The following FOXN3 variants were observed in gnomAD, a reference collection of about 807,000 sequenced individuals.
The protein encoded by FOXN3 is forkhead box protein N3.
A neutral mutation model predicts 38.4 loss-of-function variants in FOXN3; 7 were observed. The ratio of observed to expected loss-of-function variants is 0.18; its 90% CI spans 0.10 to 0.34. FOXN3 has a LOEUF of 0.34. Ranked by LOEUF, FOXN3 falls within the 10% of genes least tolerant of loss-of-function variation. FOXN3 has a pLI of 1.00. For synonymous variants in FOXN3, 230 were observed against 242.2 expected (o/e 0.95, Z 0.47); for missense variants, 456 against 613.4 (o/e 0.74, Z 2.71).
chr14:89,580,144 A>G (rs1399026920), intron 1 of FOXN3, among the ~76,000 whole-genome samples: 1 of 152,214 alleles, frequency 6.6e-6, no homozygotes, highest in Non-Finnish European at 1.5e-5. Context: ...AGTCTAGGAA[A>G]TCAGTCAAGA....
chr14:89,417,189 G>A lies in FOXN3; in HGVS notation c.-333C>T, dbSNP rs1226034128. ...GGCGCGTCGGGCCGGGGCGCGCCGA[G>A]CGGCGAGAAATTGTTTCCACTGCAA... On this transcript the variant is annotated 5_prime_UTR_variant, in exon 1 of 6. Transcript: ENST00000557258. 3 of 145,986 alleles carry A rather than the reference G, an allele frequency of 2.1e-5. No individual in the cohort carries two copies. Among genetic ancestry groups the A allele is most frequent in the Non-Finnish European group, 4.6e-5 (3 of 65,642 alleles). 9.0% of individuals were successfully genotyped at this position (145,986 alleles called of 1,614,324 possible). A position where few individuals can be genotyped will look rare whatever the true frequency, so the allele number is the denominator to read the frequency against.
intron 1 of FOXN3, among the ~76,000 whole-genome samples, chr14:89,543,257 G>A (rs933321460): frequency 1.3e-5 from 2 of 152,132 alleles, no homozygotes; most frequent in South Asian, 2.1e-4. Context: ...GGATGCTCAC[G>A]GTCCACACCC....
intron 4 of FOXN3, among the ~76,000 whole-genome samples, chr14:89,192,469 TTATA>T (rs1173238926): frequency 2.8e-5 from 4 of 141,720 alleles, no homozygotes; most frequent in African/African-American, 1.0e-4. Context: ...AAACTATAGT[TTATA>T]TATACTATTA....
intron 1 of FOXN3, among the ~76,000 whole-genome samples, chr14:89,480,959 T>G (rs1176308217): frequency 6.6e-6 from 1 of 152,184 alleles, no homozygotes; most frequent in Admixed American, 6.5e-5. Context: ...CCCTTTGATT[T>G]TGTGGGTTTG....
intron 3 of FOXN3, among the ~76,000 whole-genome samples, chr14:89,308,485 T>C (rs1887441085): frequency 6.6e-6 from 1 of 152,216 alleles, no homozygotes; most frequent in Non-Finnish European, 1.5e-5. Context: ...CTTCAGGCTG[T>C]ACCTGGGGAA....
intron 1 of FOXN3, among the ~76,000 whole-genome samples, chr14:89,442,724 GT>G (rs778783476): frequency 7.9e-4 from 119 of 150,894 alleles, no homozygotes; most frequent in Non-Finnish European, 1.3e-3. Flanking sequence ...CAACTTCCCA[GT>G]TTTACCCCAA....
chr14:89,530,886 G>A (rs1036932631), intron 1 of FOXN3, among the ~76,000 whole-genome samples: 7 of 149,576 alleles, frequency 4.7e-5, no homozygotes, highest in Non-Finnish European at 7.4e-5. Flanking sequence ...CTGGGATTAC[G>A]GTGTGAGCCA....
intron 3 of FOXN3, among the ~76,000 whole-genome samples, chr14:89,298,763 G>A (rs1887126181): frequency 6.6e-6 from 1 of 152,164 alleles, no homozygotes; most frequent in South Asian, 2.1e-4. Context: ...TCCTCCAAGA[G>A]GCAGGGACAT....
intron 3 of FOXN3, among the ~76,000 whole-genome samples, chr14:89,347,264 T>C (rs1212216084): frequency 1.3e-5 from 2 of 152,182 alleles, no homozygotes; most frequent in Non-Finnish European, 2.9e-5. Context: ...ACGACCAGTG[T>C]GTCCTTACAA....
At chr14:89,266,686 C>T (rs1596141863) in intron 4 of FOXN3, among the ~76,000 whole-genome samples, 1 of 152,240 alleles carries the variant, frequency 6.6e-6, no homozygotes, top group East Asian at 1.9e-4. Flanking sequence ...CTTAGTGGTT[C>T]CTGCCATGGC....
intron 1 of FOXN3, among the ~76,000 whole-genome samples, chr14:89,571,012 AGCACT>A (rs1895477902): frequency 1.3e-5 from 2 of 152,222 alleles, no homozygotes; most frequent in African/African-American, 4.8e-5. Context: ...ATAAGAAAGG[AGCACT>A]AAGTAGCTAA....
intron 2 of FOXN3, among the ~76,000 whole-genome samples, chr14:89,384,480 C>A (rs1467131333): frequency 6.6e-6 from 1 of 152,130 alleles, no homozygotes; most frequent in Non-Finnish European, 1.5e-5. Flanking sequence ...TTACTATGGG[C>A]AGACACTAAA....
chr14:89,500,671 C>T (rs1035050107), intron 1 of FOXN3, among the ~76,000 whole-genome samples: 7 of 152,216 alleles, frequency 4.6e-5, no homozygotes, highest in African/African-American at 1.7e-4. Flanking sequence ...CTCTGGGCCA[C>T]TCATCCACTC....
chr14:89,161,473 A>C lies in FOXN3; in HGVS notation c.*941T>G, dbSNP rs988810775. The C allele has an allele frequency of 6.7e-6, 1 of 148,700 alleles. No homozygotes were observed. The highest frequency in any genetic ancestry group is 2.5e-5 in the African/African-American group (1 of 40,006). 9.2% of individuals were successfully genotyped at this position (148,700 alleles called of 1,614,324 possible). The stretch of plus-strand genomic sequence containing the variant: ...TTTCCTTTCCTTAACAGCTATTGTA[A>C]TTTCCTGGACTTGGTTGCTTTTCAC... On this transcript the variant is annotated 3_prime_UTR_variant, in exon 6 of 6. Transcript: ENST00000557258.
intron 3 of FOXN3, among the ~76,000 whole-genome samples, chr14:89,319,106 G>A (rs893277898): frequency 6.6e-6 from 1 of 152,162 alleles, no homozygotes; most frequent in Non-Finnish European, 1.5e-5. Flanking sequence ...ACAATTCTGA[G>A]TTGCTGACTT....
At chr14:89,259,672 T>G (rs978278020) in intron 4 of FOXN3, among the ~76,000 whole-genome samples, 1 of 152,194 alleles carries the variant, frequency 6.6e-6, no homozygotes, top group African/African-American at 2.4e-5. Context: ...TTAAATATAG[T>G]CATTGACATA....
rs777509511 is a variant in FOXN3 at position 89,162,874 on chromosome 14, C to G, written c.947G>C (p.Ser316Thr). ...SGDPKEDHNYSSAKSSNARST... is the reference protein window; with the variant it reads ...SGDPKEDHNYTSAKSSNARST... ...CCGGGCGTTGGAGGACTTGGCACTG[C>G]TGTAGTTGTGATCCTCCTTGGGGTC... The change falls in exon 6 of 6, where the codon AGC (serine) becomes ACC (threonine). Residue 316 changes from serine (S) to threonine (T), a missense_variant. Physicochemically the swap from Ser to Thr is moderately conservative, Grantham distance 58. Coordinates refer to ENST00000557258, the MANE Select transcript of FOXN3 (RefSeq NM_005197.4). This position sits in a 1 kb window ranked among gnomAD's most constrained non-coding sequence, Gnocchi z 7.2. 3.1e-6 allele frequency: 5 copies of G among 1,611,584 alleles called. No individual in the cohort carries two copies. The African/African-American group carries it at 5.3e-5, about 17-fold the overall frequency.
chr14:89,330,295 C>T (rs181805130), intron 3 of FOXN3, among the ~76,000 whole-genome samples: 94 of 152,286 alleles, frequency 6.2e-4, no homozygotes, highest in African/African-American at 2.0e-3. Context: ...TCCTATCTGC[C>T]ACAGCTTGTA....
intron 4 of FOXN3, among the ~76,000 whole-genome samples, chr14:89,243,409 T>G (rs1035341165): frequency 6.6e-6 from 1 of 152,228 alleles, no homozygotes; most frequent in Non-Finnish European, 1.5e-5. Flanking sequence ...GCCTGCCCGA[T>G]GCAAGCAGCA....
Sources: gnomAD v4.1 joint callset for allele counts (sites outside exome capture counted in the v4.1 genomes callset) on GRCh38, gnomAD v4.1.1 for gene constraint, Gnocchi (gnomAD v3.1) non-coding constraint, MANE v1.5 for transcripts, NCBI Gene and HGNC (gene_info 2026-07-23, HGNC 2026-07-21) for gene names.